CCDC91: variants seen among roughly 807,000 people sequenced by gnomAD.
CCDC91 encodes coiled-coil domain-containing protein 91.
CCDC91 carries 48 observed loss-of-function variants against 63.2 expected under a neutral mutation model. The observed-to-expected ratio is 0.76, with a 90% CI of 0.60 to 0.97. CCDC91 has a LOEUF of 0.97. CCDC91 is among the 50% of genes least tolerant of loss of function. CCDC91 has a pLI of 0.00. For synonymous variants in CCDC91, 167 were observed against 165.8 expected, an observed-to-expected ratio of 1.01 and a Z score of -0.06; for missense variants, 500 against 494.6, an observed-to-expected ratio of 1.01 and a Z score of -0.10.
At chr12:28,246,441 C>G (rs1349766130) in intron 1 of CCDC91, among the ~76,000 whole-genome samples, 1 of 151,846 alleles carries the variant, frequency 6.6e-6, no homozygotes, top group Non-Finnish European at 1.5e-5. Context: ...TATTTGTAGA[C>G]TTTTTTTTAC....
chr12:28,191,632 C>A (rs1941256491), intron 1 of CCDC91, among the ~76,000 whole-genome samples: 1 of 73,520 alleles, frequency 1.4e-5, no homozygotes, highest in Non-Finnish European at 3.6e-5. Flanking sequence ...GCAACCCTTC[C>A]CCCCCCCACA....
At chr12:28,328,087 T>C (rs1262524841) in intron 6 of CCDC91, among the ~76,000 whole-genome samples, 1 of 152,166 alleles carries the variant, frequency 6.6e-6, no homozygotes, top group African/African-American at 2.4e-5. Context: ...TTTCAGGGCA[T>C]CACAGTTTAT....
At chr12:28,323,290 G>C (rs747863311) in intron 6 of CCDC91, among the ~76,000 whole-genome samples, 18 of 151,540 alleles carry the variant, frequency 1.2e-4, no homozygotes, top group Non-Finnish European at 2.5e-4. Flanking sequence ...TTTAACTTTT[G>C]ATCTATCTGG....
intron 12 of CCDC91, among the ~76,000 whole-genome samples, chr12:28,514,085 A>G (rs1429210170): frequency 5.9e-5 from 9 of 151,632 alleles, no homozygotes; most frequent in African/African-American, 1.9e-4. Flanking sequence ...TCAGCAGTGT[A>G]TAAGCATTCC....
At chr12:28,393,725 T>C (rs573291765) in intron 8 of CCDC91, among the ~76,000 whole-genome samples, 64 of 152,358 alleles carry the variant, frequency 4.2e-4, no homozygotes, top group African/African-American at 1.4e-3. Context: ...TGGTTGTGCA[T>C]GCAAGTCTTC....
intron 7 of CCDC91, among the ~76,000 whole-genome samples, chr12:28,388,628 A>C (rs1258414002): frequency 6.6e-6 from 1 of 152,238 alleles, no homozygotes; most frequent in Non-Finnish European, 1.5e-5. Flanking sequence ...ATGGAAATAC[A>C]TCCCATGCTC....
chr12:28,334,985 A>C (rs1941818422), intron 6 of CCDC91, among the ~76,000 whole-genome samples: 1 of 147,932 alleles, frequency 6.8e-6, no homozygotes, highest in Non-Finnish European at 1.5e-5. Context: ...TTCAGTGTTT[A>C]TGTGTGTGTG....
At chr12:28,405,298 A>G (rs1414421373) in intron 8 of CCDC91, among the ~76,000 whole-genome samples, 1 of 152,108 alleles carries the variant, frequency 6.6e-6, no homozygotes, top group African/African-American at 2.4e-5. Context: ...TTACAATACT[A>G]AAGTATTCCA....
intron 8 of CCDC91, among the ~76,000 whole-genome samples, chr12:28,416,092 C>T (rs560265052): frequency 2.4e-4 from 36 of 151,994 alleles, no homozygotes; most frequent in Admixed American, 2.2e-3. Flanking sequence ...CACTCCTCAC[C>T]CAGCTGCTTC....
intron 8 of CCDC91, among the ~76,000 whole-genome samples, chr12:28,443,211 AG>A (rs1949322803): frequency 1.3e-5 from 2 of 151,418 alleles, no homozygotes; most frequent in African/African-American, 4.8e-5. Context: ...ATAGTTAATT[AG>A]GATAATCCAG....
At chr12:28,500,091 A>G (rs12369150) in intron 12 of CCDC91, among the ~76,000 whole-genome samples, 31,738 of 151,962 alleles carry the variant, frequency 0.21, 4,343 homozygotes, top group Non-Finnish European at 0.31. Context: ...TTCTCTAATG[A>G]CCAGTGATGA....
At chr12:28,305,156 G>A (rs1244008448) in intron 3 of CCDC91, among the ~76,000 whole-genome samples, 1 of 151,846 alleles carries the variant, frequency 6.6e-6, no homozygotes, top group Non-Finnish European at 1.5e-5. Flanking sequence ...ATATTAATTG[G>A]TTGACTTGCC....
chr12:28,508,035 TAGC>T (rs967596885), intron 12 of CCDC91, among the ~76,000 whole-genome samples: 2 of 151,826 alleles, frequency 1.3e-5, no homozygotes, highest in African/African-American at 4.8e-5. Context: ...TTGGCCAAGG[TAGC>T]AGTTGTTGGA....
At position 28,464,620 on chromosome 12, in the gene CCDC91, A is replaced by G. The variant is rs563773064; in HGVS notation, c.1101+11966A>G. ...AAGGGAACCTGCTGCCTTGAAAGGA[A>G]GGACCCAGTCCTGACAGGATTTATT... is the stretch of plus-strand genomic sequence containing the variant. On this transcript the variant is annotated intron_variant, in intron 11 of 12. Transcript: ENST00000536442. Among the ~76,000 whole-genome samples the G allele has an allele frequency of 8.5e-5, 13 of 152,288 alleles. No individual in the cohort carries two copies. The South Asian group carries it at 2.3e-3, about 27-fold the overall frequency.
chr12:28,404,456 A>G (rs995676863), intron 8 of CCDC91, among the ~76,000 whole-genome samples: 1 of 152,084 alleles, frequency 6.6e-6, no homozygotes, highest in Non-Finnish European at 1.5e-5. Flanking sequence ...GAGTTTGAAA[A>G]GAATGCATAT....
At chr12:28,382,404 A>G (rs1945348998) in intron 7 of CCDC91, among the ~76,000 whole-genome samples, 1 of 152,046 alleles carries the variant, frequency 6.6e-6, no homozygotes, top group Non-Finnish European at 1.5e-5. Flanking sequence ...TGTCATAAAA[A>G]GTAGGTAATT....
chr12:28,352,603 G>A (rs555163720), intron 6 of CCDC91, among the ~76,000 whole-genome samples: 11 of 152,100 alleles, frequency 7.2e-5, no homozygotes, highest in East Asian at 1.9e-4. Context: ...TAATTGCAGC[G>A]TTCAGTCACA....
At chr12:28,240,965 A>G (rs1945290991) in intron 1 of CCDC91, among the ~76,000 whole-genome samples, 1 of 152,156 alleles carries the variant, frequency 6.6e-6, no homozygotes, top group South Asian at 2.1e-4. Context: ...AAGTGATCAT[A>G]CTGTTTTACA....
intron 1 of CCDC91, among the ~76,000 whole-genome samples, chr12:28,206,037 C>G (rs1430301141): frequency 6.6e-6 from 1 of 152,144 alleles, no homozygotes; most frequent in Non-Finnish European, 1.5e-5. Context: ...AGAGTACCTC[C>G]TTATGCTGGA....
Sources: gnomAD v4.1 joint callset for allele counts (sites outside exome capture counted in the v4.1 genomes callset) on GRCh38, gnomAD v4.1.1 for gene constraint, MANE v1.5 for transcripts, NCBI Gene and HGNC (gene_info 2026-07-23, HGNC 2026-07-21) for gene names.